KLHL32: variants seen among roughly 807,000 people sequenced by gnomAD.
KLHL32 encodes kelch like family member 32, also known as kelch-like protein 32.
KLHL32 carries 35 observed loss-of-function variants against 64.8 expected under a neutral mutation model. The ratio of observed to expected loss-of-function variants is 0.54; its 90% CI spans 0.41 to 0.72. KLHL32 has a LOEUF of 0.72. Ranked by LOEUF, KLHL32 falls within the 30% of genes least tolerant of loss-of-function variation. The probability of loss-of-function intolerance (pLI) is 0.00; values close to 1 mark genes in which losing one functional copy is unlikely to be tolerated. For synonymous variants in KLHL32, 259 were observed against 281.0 expected (o/e 0.92, Z 0.78); for missense variants, 589 against 768.5 (o/e 0.77, Z 2.76).
intron 9 of KLHL32, among the ~76,000 whole-genome samples, 196 bp from the exon 10 acceptor site, chr6:97,132,457 C>A (rs1799535678): frequency 6.6e-6 from 1 of 152,102 alleles, no homozygotes; most frequent in South Asian, 2.1e-4. Context: ...CTGGTTCTGA[C>A]CTGACAGATT....
intron 6 of KLHL32, among the ~76,000 whole-genome samples, chr6:97,112,034 G>C (rs1172002531): frequency 2.0e-5 from 3 of 152,018 alleles, no homozygotes; most frequent in African/African-American, 7.2e-5. Context: ...TACAGGATGG[G>C]GGGGTGGGGT....
At chr6:97,015,321 A>C (rs1781004874) in intron 3 of KLHL32, among the ~76,000 whole-genome samples, 1 of 152,218 alleles carries the variant, frequency 6.6e-6, no homozygotes, top group Non-Finnish European at 1.5e-5. Context: ...AGGTTGGAAC[A>C]GTTTGGAGGG....
chr6:96,910,904 T>A, the KLHL32 span, among the ~76,000 whole-genome samples: 1 of 152,220 alleles, frequency 6.6e-6, no homozygotes, highest in South Asian at 2.1e-4. Context: ...TTATTTTAAA[T>A]ACCATTATTT....
At chr6:97,045,101 G>A (rs1039626815) in intron 4 of KLHL32, among the ~76,000 whole-genome samples, 1 of 152,100 alleles carries the variant, frequency 6.6e-6, no homozygotes, top group South Asian at 2.1e-4. Flanking sequence ...GAATAATTGA[G>A]GCAACTCTGG....
chr6:97,093,914 A>T (rs1425206858), intron 6 of KLHL32, among the ~76,000 whole-genome samples: 1 of 152,196 alleles, frequency 6.6e-6, no homozygotes, highest in African/African-American at 2.4e-5. Context: ...TGTTGCAGTG[A>T]CACAGACTGT....
chr6:96,958,829 GAA>G (rs72308130), intron 1 of KLHL32, among the ~76,000 whole-genome samples: 1 of 151,044 alleles, frequency 6.6e-6, no homozygotes, highest in Non-Finnish European at 1.5e-5. Flanking sequence ...GAGTGCCAAG[GAA>G]AAAAAAATCA....
intron 7 of KLHL32, among the ~76,000 whole-genome samples, chr6:97,121,299 A>C (rs895096226): frequency 1.3e-5 from 2 of 152,190 alleles, no homozygotes; most frequent in Admixed American, 1.3e-4. Flanking sequence ...AAGGTCTGCA[A>C]AATAGATGCT....
intron 3 of KLHL32, chr6:97,010,415 G>C (rs985913344): frequency 2.0e-5 from 3 of 152,164 alleles, no homozygotes; most frequent in African/African-American, 4.8e-5. Context: ...GGACTTTGCA[G>C]ATAATAAGTG....
Position 96,973,753 on chromosome 6 carries a change from C to T in KLHL32, c.24-2244C>T, listed in dbSNP as rs534139405. ...GCCTTTTTTTTTTTAGACAGAGTCT[C>T]GCTCTGTTGCCCAGGCTGGAGTGCA... On this transcript the variant is annotated intron_variant, in intron 2 of 10. Transcript: ENST00000369261. 1.9e-4 allele frequency among the ~76,000 whole-genome samples: 9 copies of T among 46,678 alleles called. 1 individual carries two copies. In the East Asian group the frequency reaches 3.6e-3, roughly 19 times the overall value. 30.6% of individuals were successfully genotyped at this position (46,678 alleles called of 152,430 possible). A position where few individuals can be genotyped will look rare whatever the true frequency, so the allele number is the denominator to read the frequency against.
chr6:97,125,126 T>C (rs1798745040), intron 7 of KLHL32, among the ~76,000 whole-genome samples: 1 of 152,218 alleles, frequency 6.6e-6, no homozygotes, highest in Admixed American at 6.5e-5. Context: ...TTCTTTAAAA[T>C]CTTAAATCTT....
At chr6:97,079,042 T>C (rs1792061799) in intron 5 of KLHL32, among the ~76,000 whole-genome samples, 1 of 152,206 alleles carries the variant, frequency 6.6e-6, no homozygotes, top group African/African-American at 2.4e-5. Flanking sequence ...CTGTGGGTTA[T>C]GTGTGGTAAA....
chr6:97,130,091 CA>C (rs1799272811), intron 8 of KLHL32, among the ~76,000 whole-genome samples: 1 of 152,090 alleles, frequency 6.6e-6, no homozygotes, highest in African/African-American at 2.4e-5. Context: ...GAAAGAACAG[CA>C]AAACCATTAC....
intron 1 of KLHL32, among the ~76,000 whole-genome samples, chr6:96,925,995 A>G (rs2127985220): frequency 6.6e-6 from 1 of 152,120 alleles, no homozygotes; most frequent in South Asian, 2.1e-4. Context: ...CTACTGGAAC[A>G]CTGATAGGCC....
At chr6:96,899,900 GTA>G in the KLHL32 span, among the ~76,000 whole-genome samples, 1 of 152,186 alleles carries the variant, frequency 6.6e-6, no homozygotes, top group African/African-American at 2.4e-5. Context: ...TGATGCATGT[GTA>G]TGGCTGAATA....
intron 3 of KLHL32, among the ~76,000 whole-genome samples, chr6:96,994,832 A>G (rs1332079713): frequency 6.6e-6 from 1 of 152,238 alleles, no homozygotes; most frequent in East Asian, 1.9e-4. Flanking sequence ...CAGTCAGACC[A>G]GGACTTCTTT....
At chr6:97,082,416 A>G (rs1275030204) in intron 5 of KLHL32, among the ~76,000 whole-genome samples, 1 of 152,106 alleles carries the variant, frequency 6.6e-6, no homozygotes, top group Non-Finnish European at 1.5e-5. Context: ...AATCAAGACC[A>G]TCCTGGCTAA....
chr6:96,929,748 A>G (rs1769614202), intron 1 of KLHL32, among the ~76,000 whole-genome samples: 2 of 152,186 alleles, frequency 1.3e-5, no homozygotes, highest in African/African-American at 4.8e-5. Flanking sequence ...ATTTTGACAT[A>G]TGGCACTATA....
At chr6:96,936,398 C>T (rs1490804382) in intron 1 of KLHL32, among the ~76,000 whole-genome samples, 1 of 152,178 alleles carries the variant, frequency 6.6e-6, no homozygotes, top group Non-Finnish European at 1.5e-5. Context: ...GTTCCCTATA[C>T]ATGCTTTACA....
chr6:97,090,579 C>A (rs1248982119), intron 6 of KLHL32, among the ~76,000 whole-genome samples: 1 of 152,236 alleles, frequency 6.6e-6, no homozygotes. Context: ...ATGTACTCAG[C>A]TTTCATCTTT....
Sources: gnomAD v4.1 joint callset for allele counts (sites outside exome capture counted in the v4.1 genomes callset) on GRCh38, gnomAD v4.1.1 for gene constraint, MANE v1.5 for transcripts, NCBI Gene and HGNC (gene_info 2026-07-23, HGNC 2026-07-21) for gene names.